CROCC2: variants seen among roughly 807,000 people sequenced by gnomAD.
CROCC2 encodes ciliary rootlet coiled-coil protein 2.
Under a neutral mutation model 177.6 loss-of-function variants are expected in CROCC2, and 163 were observed. That is an observed-to-expected ratio of 0.92 (90% CI 0.81 to 1.05). The LOEUF (loss-of-function observed/expected upper bound fraction) is 1.05. CROCC2 is among the 50% of genes least tolerant of loss of function. CROCC2 has a pLI of 0.00. For synonymous variants in CROCC2, 904 were observed against 787.3 expected (o/e 1.15, Z -2.48); for missense variants, 1,929 against 1,797.8 (o/e 1.07, Z -1.32).
rs953667339 is a variant in CROCC2, at chr2:240,934,398, G to A, written c.1714G>A (p.Glu572Lys). The A allele has an allele frequency of 4.0e-5, 62 of 1,548,660 alleles. No homozygotes were observed. Among genetic ancestry groups the A allele is most frequent in the Non-Finnish European group, 5.3e-5 (61 of 1,146,928 alleles). Reference protein sequence around the residue: ...GLREELASVREALSTAQLQRD... With the variant: ...GLREELASVRKALSTAQLQRD... ...CAGAGAGGAGCTGGCATCGGTCCGG[G>A]AGGCACTGAGCACAGCACAGCTGCA... is the stretch of plus-strand genomic sequence containing the variant. Residue 572 changes from glutamate (E) to lysine (K), a missense_variant, in exon 12 of 32, where the codon GAG (glutamate) becomes AAG (lysine). Glu to Lys is a moderately conservative substitution (Grantham distance 56). Transcript: ENST00000690015.
chr2:240,962,982 A>G (rs1223835914), intron 20 of CROCC2, among the ~76,000 whole-genome samples: 1 of 152,082 alleles, frequency 6.6e-6, no homozygotes, highest in Non-Finnish European at 1.5e-5. Flanking sequence ...TCCTCCTCCC[A>G]CTGCCTCCCA....
chr2:240,981,623 G>T (rs531039214), intron 27 of CROCC2: 2 of 152,254 alleles, frequency 1.3e-5, no homozygotes, highest in East Asian at 1.9e-4. Context: ...GAAAACTTCT[G>T]CTTTTCTACT....
chr2:240,916,742 G>A (rs1357105068), intron 1 of CROCC2, among the ~76,000 whole-genome samples: 2 of 152,226 alleles, frequency 1.3e-5, no homozygotes, highest in Non-Finnish European at 2.9e-5. Context: ...CGATGCCCGG[G>A]GGAGCGCAGG....
At chr2:240,948,925 T>TTTACACGCAGGATCTTGGGGATGAC in intron 15 of CROCC2, 54 bp from the exon 16 acceptor site, 1 of 1,519,840 alleles carries the variant, frequency 6.6e-7, no homozygotes, top group African/African-American at 1.4e-5. Flanking sequence ...TAGAGAGCAT[T>TTTACACGCAGGATCTTGGGGATGAC]TTACACGCAG....
At chr2:240,956,159 AGT>A (rs765895518) in intron 19 of CROCC2, among the ~76,000 whole-genome samples, 187 bp downstream of exon 19, 1 of 152,194 alleles carries the variant, frequency 6.6e-6, no homozygotes, top group Non-Finnish European at 1.5e-5. Context: ...GAAAGATCCA[AGT>A]GAACCAAAGC....
intron 2 of CROCC2, among the ~76,000 whole-genome samples, chr2:240,919,333 G>C (rs894579123): frequency 2.0e-5 from 3 of 152,150 alleles, no homozygotes; most frequent in African/African-American, 7.2e-5. Flanking sequence ...CTTCATTGGT[G>C]GTTTCTTCCT....
chr2:240,938,694 T>G (rs1275064630), intron 14 of CROCC2, among the ~76,000 whole-genome samples: 1 of 152,258 alleles, frequency 6.6e-6, no homozygotes, highest in Non-Finnish European at 1.5e-5. Flanking sequence ...GAATATTACA[T>G]CCATGAATAT....
Position 240,932,642 on chromosome 2 carries a change from C to G in CROCC2, c.1045-60C>G, listed in dbSNP as rs899795153. On this transcript the variant is annotated intron_variant, in intron 8 of 31. Coordinates refer to ENST00000690015, the MANE Select transcript of CROCC2 (RefSeq NM_001351305.2). ...ACCCTCAGGACTGTCTGCGCGGTCC[C>G]CACCAAATCATGGCCCTGTGCTCTG... 16 of 718,072 alleles carry G rather than the reference C, an allele frequency of 2.2e-5. No individual in the cohort carries two copies. In the African/African-American group the frequency reaches 2.3e-4, roughly 10 times the overall value. The allele number at this position is 718,072 out of a possible 1,614,324, so 44.5% of individuals were successfully genotyped here.
rs2059678718 is a variant in CROCC2 at position 240,965,774 on chromosome 2, C to G, written c.3742C>G (p.Leu1248Val). The change falls in exon 24 of 32, where the codon CTG becomes GTG. Residue 1248 changes from leucine to valine, a missense_variant. This residue lies in a region of CROCC2 where 144 missense variants were observed against 205.2 expected (regional missense o/e 0.70). Transcript: ENST00000690015. ...AGAGCTGCACAGTGTCACCAGGAAG[C>G]TGCAGGAAGCCAGTGGTGTGGCTGA... ...RAELHSVTRK[L>V]QEASGVADAL... 2.7e-6 allele frequency: 4 copies of G among 1,494,760 alleles called. No individual in the cohort carries two copies. Among genetic ancestry groups the G allele is most frequent in the Non-Finnish European group, 3.6e-6 (4 of 1,121,450 alleles). 92.6% of individuals were successfully genotyped at this position (1,494,760 alleles called of 1,614,324 possible). A position where few individuals can be genotyped will look rare whatever the true frequency, so the allele number is the denominator to read the frequency against.
chr2:240,913,623 A>G (rs1165683574), intron 1 of CROCC2, among the ~76,000 whole-genome samples: 4 of 152,250 alleles, frequency 2.6e-5, no homozygotes, highest in African/African-American at 9.6e-5. Context: ...TCCTGCCTGC[A>G]GGGGTGGCCT....
Position 240,931,613 on chromosome 2 carries a change from G to A in CROCC2, c.947+485G>A, listed in dbSNP as rs992607265. ...ACCCACCACCCACATCGGGGGCTCA[G>A]AGGTCTCTTGAGGGCAGCTTCAGCA... On this transcript the variant is annotated intron_variant, in intron 7 of 31. Transcript: ENST00000690015. 3.9e-5 allele frequency among the ~76,000 whole-genome samples: 6 copies of A among 152,260 alleles called. No homozygotes were observed. In the East Asian group the frequency reaches 9.6e-4, roughly 24 times the overall value.
chr2:240,990,960 G>C (rs368361092), intron 30 of CROCC2, among the ~76,000 whole-genome samples: 2 of 152,240 alleles, frequency 1.3e-5, no homozygotes, highest in African/African-American at 4.8e-5. Context: ...ATACTCCTGA[G>C]GCCTCCACAG....
At chr2:240,934,231 TG>T in intron 11 of CROCC2, 99 bp from the exon 12 acceptor site, 1 of 1,356,722 alleles carries the variant, frequency 7.4e-7, no homozygotes, top group Non-Finnish European at 1.0e-6. Flanking sequence ...TGGGCCTCCC[TG>T]GGCTTGGAGG....
In CROCC2 at chr2:240,916,504, C is replaced by T. The variant is rs2059321879; in HGVS notation, c.79-2222C>T. Among the ~76,000 whole-genome samples the T allele has an allele frequency of 3.7e-5, 4 of 109,320 alleles. No homozygotes were observed. In the South Asian group the frequency reaches 9.7e-4, roughly 26 times the overall value. 71.7% of individuals were successfully genotyped at this position (109,320 alleles called of 152,430 possible). A position where few individuals can be genotyped will look rare whatever the true frequency, so the allele number is the denominator to read the frequency against. On this transcript the variant is annotated intron_variant, in intron 1 of 31. Coordinates refer to ENST00000690015, the MANE Select transcript of CROCC2 (RefSeq NM_001351305.2). Reference sequence around the variant, plus strand: ...GCGCCCCCGCGCCCCCTGCGCTCCCCGCTCCCCCCGTGTCCCCCTGAACGC... The same window carrying T: ...GCGCCCCCGCGCCCCCTGCGCTCCCTGCTCCCCCCGTGTCCCCCTGAACGC...
intron 20 of CROCC2, among the ~76,000 whole-genome samples, chr2:240,962,053 T>TACACTC (rs1403400654): frequency 1.6e-5 from 2 of 126,392 alleles, no homozygotes; most frequent in African/African-American, 6.3e-5. Context: ...CGCACACACA[T>TACACTC]ACACTCACAC....
At chr2:240,968,555 CT>C (rs1360558813) in intron 27 of CROCC2, among the ~76,000 whole-genome samples, 1 of 152,158 alleles carries the variant, frequency 6.6e-6, no homozygotes, top group East Asian at 1.9e-4. Context: ...GGACTTGGCC[CT>C]GGGGGCACAG....
intron 27 of CROCC2, among the ~76,000 whole-genome samples, chr2:240,968,588 A>G (rs1360396071): frequency 1.3e-5 from 2 of 152,208 alleles, no homozygotes; most frequent in Non-Finnish European, 2.9e-5. Context: ...CAGAGCCCCA[A>G]GTCTAGGCCC....
At chr2:240,909,387 C>A (rs114927173) in intron 1 of CROCC2, among the ~76,000 whole-genome samples, 2,533 of 152,278 alleles carry the variant, frequency 0.017, 81 homozygotes, top group African/African-American at 0.058. Flanking sequence ...TCTACCTCCT[C>A]CACCTGGAGC....
chr2:240,909,651 G>A (rs1427267951), intron 1 of CROCC2, among the ~76,000 whole-genome samples: 2 of 152,210 alleles, frequency 1.3e-5, no homozygotes, highest in Non-Finnish European at 2.9e-5. Flanking sequence ...GTGGCTGAGA[G>A]ATGCTTAGCT....
Sources: allele counts gnomAD v4.1 joint callset (sites outside exome capture counted in the v4.1 genomes callset), GRCh38; gene constraint gnomAD v4.1.1; regional missense constraint gnomAD v4.1.1; transcripts MANE v1.5; gene names NCBI Gene and HGNC (gene_info 2026-07-23, HGNC 2026-07-21).